The following SLC9A9 variants were observed in gnomAD, a reference collection of about 807,000 sequenced individuals.
SLC9A9 encodes the protein solute carrier family 9 member A9.
In SLC9A9, 62 loss-of-function variants were observed where a neutral mutation model predicts 77.8. The ratio of observed to expected loss-of-function variants is 0.80; its 90% confidence interval spans 0.65 to 0.98. SLC9A9 has a LOEUF of 0.98. Ranked by LOEUF, SLC9A9 falls within the 50% of genes least tolerant of loss-of-function variation. The probability of loss-of-function intolerance (pLI) is 0.00; values close to 1 mark genes in which losing one functional copy is unlikely to be tolerated. For synonymous variants in SLC9A9, 320 were observed against 283.5 expected (o/e 1.13, Z -1.29); for missense variants, 775 against 774.9 (o/e 1.00, Z 0.00).
intron 2 of SLC9A9, 146 bp downstream of exon 2, chr3:143,831,873 T>G: frequency 1.4e-6 from 1 of 726,928 alleles, no homozygotes; most frequent in Non-Finnish European, 2.2e-6. Flanking sequence ...GTTTGACTCC[T>G]TAGTCAATTA....
chr3:143,731,533 T>C (rs1307978386), intron 4 of SLC9A9, among the ~76,000 whole-genome samples: 1 of 152,202 alleles, frequency 6.6e-6, no homozygotes, highest in Non-Finnish European at 1.5e-5. Context: ...TTCTTATGTG[T>C]CCTCAGTCAT....
chr3:143,583,993 G>A (rs2037498508), intron 6 of SLC9A9, among the ~76,000 whole-genome samples: 2 of 152,190 alleles, frequency 1.3e-5, no homozygotes, highest in African/African-American at 2.4e-5. Context: ...AGAAGGAGGA[G>A]GGGGAGAAGA....
At chr3:143,483,863 C>T (rs2108583107) in intron 11 of SLC9A9, among the ~76,000 whole-genome samples, 1 of 152,234 alleles carries the variant, frequency 6.6e-6, no homozygotes, top group Non-Finnish European at 1.5e-5. Flanking sequence ...TGCTGCCTTA[C>T]TGAATCAAAC....
At chr3:143,535,222 G>GT (rs1296073604) in intron 9 of SLC9A9, among the ~76,000 whole-genome samples, 1 of 152,154 alleles carries the variant, frequency 6.6e-6, no homozygotes, top group Admixed American at 6.5e-5. Context: ...TTAAGCTACT[G>GT]AAGAATAGAC....
chr3:143,342,650 T>C (rs2032140265), intron 14 of SLC9A9, among the ~76,000 whole-genome samples: 1 of 152,218 alleles, frequency 6.6e-6, no homozygotes, highest in Non-Finnish European at 1.5e-5. Context: ...CAAGATTAAC[T>C]TAAGGTTTTA....
At chr3:143,416,133 T>G (rs1286969764) in intron 12 of SLC9A9, among the ~76,000 whole-genome samples, 1 of 152,100 alleles carries the variant, frequency 6.6e-6, no homozygotes, top group Non-Finnish European at 1.5e-5. Flanking sequence ...ATGAGAAAAC[T>G]TGAATAGATT....
intron 12 of SLC9A9, among the ~76,000 whole-genome samples, chr3:143,409,717 C>T (rs935285638): frequency 6.6e-6 from 1 of 152,130 alleles, no homozygotes; most frequent in Non-Finnish European, 1.5e-5. Flanking sequence ...TGCTGCTTTT[C>T]CTAGAAGCTA....
At chr3:143,773,704 G>C (rs2007602273) in intron 4 of SLC9A9, among the ~76,000 whole-genome samples, 1 of 151,986 alleles carries the variant, frequency 6.6e-6, no homozygotes, top group Admixed American at 6.5e-5. Context: ...GGCTGGTCTC[G>C]AACTCCTGAC....
At chr3:143,511,448 G>A (rs1265054189) in intron 9 of SLC9A9, among the ~76,000 whole-genome samples, 3 of 152,138 alleles carry the variant, frequency 2.0e-5, no homozygotes, top group Non-Finnish European at 2.9e-5. Context: ...TTGCTATCTC[G>A]TCAGCACTGA....
Position 143,832,028 on chromosome 3 carries a change from T to A in SLC9A9, c.369A>T (p.Ile123=), listed in dbSNP as rs1284994884. The stretch of plus-strand genomic sequence containing the variant: ...CAGACAGGATCCTTACCTTTTCAAG[T>A]ATAGCATTTCCTTGATGAGGATTGA... ...HNINPHQGNA[I]LEKMTFDPEI... is the part of the protein sequence containing the mutation. Residue 123 remains isoleucine, a synonymous_variant, in exon 2 of 16, where the codon ATA becomes ATT. Transcript: ENST00000316549. 1.2e-6 allele frequency: 2 copies of A among 1,611,212 alleles called. No homozygotes were observed. The highest frequency in any genetic ancestry group is 2.2e-5 in the South Asian group (2 of 91,016).
At chr3:143,433,506 A>AT (rs1439045089) in intron 12 of SLC9A9, among the ~76,000 whole-genome samples, 2 of 152,212 alleles carry the variant, frequency 1.3e-5, no homozygotes, top group Non-Finnish European at 2.9e-5. Flanking sequence ...CTCTTTTTAT[A>AT]ATAACGTCCA....
At chr3:143,410,229 T>C (rs2034066676) in intron 12 of SLC9A9, among the ~76,000 whole-genome samples, 1 of 152,172 alleles carries the variant, frequency 6.6e-6, no homozygotes, top group South Asian at 2.1e-4. Context: ...GGTTTTTTGC[T>C]TATTTGTTGC....
At chr3:143,542,395 T>C (rs1324415865) in intron 9 of SLC9A9, among the ~76,000 whole-genome samples, 1 of 152,222 alleles carries the variant, frequency 6.6e-6, no homozygotes, top group African/African-American at 2.4e-5. Flanking sequence ...TGAAGATATC[T>C]TTGATCTTCT....
At chr3:143,461,028 C>T (rs6780280) in intron 12 of SLC9A9, among the ~76,000 whole-genome samples, 43,589 of 151,878 alleles carry the variant, frequency 0.29, 6,459 homozygotes, top group East Asian at 0.49. Context: ...CTCAGGTCTG[C>T]GGATTGACAT....
At chr3:143,668,874 A>G (rs947558773) in intron 5 of SLC9A9, among the ~76,000 whole-genome samples, 6 of 152,174 alleles carry the variant, frequency 3.9e-5, no homozygotes, top group Non-Finnish European at 5.9e-5. Context: ...TAATAAATTG[A>G]ACAACACAAT....
At chr3:143,766,669 A>G (rs1251741288) in intron 4 of SLC9A9, among the ~76,000 whole-genome samples, 1 of 146,726 alleles carries the variant, frequency 6.8e-6, no homozygotes, top group Admixed American at 6.7e-5. Flanking sequence ...TCCCAGGTTC[A>G]AGTGATTCTC....
chr3:143,631,638 AATGG>A (rs2038423664), intron 6 of SLC9A9, among the ~76,000 whole-genome samples: 2 of 151,974 alleles, frequency 1.3e-5, no homozygotes, highest in African/African-American at 4.8e-5. Context: ...CCCCATAGCA[AATGG>A]TCCCTAGGCT....
At chr3:143,386,842 T>G (rs2033438157) in intron 12 of SLC9A9, among the ~76,000 whole-genome samples, 1 of 152,178 alleles carries the variant, frequency 6.6e-6, no homozygotes, top group Admixed American at 6.5e-5. Context: ...TTTTTAAAAT[T>G]TATTTCTTTT....
intron 14 of SLC9A9, among the ~76,000 whole-genome samples, chr3:143,309,274 T>C (rs775838076): frequency 1.3e-5 from 2 of 152,296 alleles, no homozygotes; most frequent in Non-Finnish European, 2.9e-5. Flanking sequence ...TATAATGGGA[T>C]AGGCAGATGG....
Sources: allele counts gnomAD v4.1 joint callset (sites outside exome capture counted in the v4.1 genomes callset), GRCh38; gene constraint gnomAD v4.1.1; transcripts MANE v1.5; gene names NCBI Gene and HGNC (gene_info 2026-07-23, HGNC 2026-07-21).